Variants in BMP8A observed in about 807,000 individuals in gnomAD.
BMP8A encodes the protein BMP-8A.
Under a neutral mutation model 36.8 loss-of-function variants are expected in BMP8A, and 14 were observed. The observed-to-expected ratio is 0.38, with a 90% CI of 0.25 to 0.60. The LOEUF (loss-of-function observed/expected upper bound fraction) is 0.60. Ranked by LOEUF, BMP8A falls within the 20% of genes least tolerant of loss-of-function variation. The probability of loss-of-function intolerance (pLI) is 0.63; values close to 1 mark genes in which losing one functional copy is unlikely to be tolerated. For synonymous variants in BMP8A, 120 were observed against 237.7 expected, an observed-to-expected ratio of 0.50 and a Z score of 4.55; for missense variants, 267 against 551.1, an observed-to-expected ratio of 0.48 and a Z score of 5.16.
rs1311805433 is a variant in BMP8A, at chr1:39,525,964, C to A, written c.*166C>A. 23 of 1,230,168 alleles carry A rather than the reference C, an allele frequency of 1.9e-5. No homozygotes were observed. The highest frequency in any genetic ancestry group is 2.2e-5 in the Non-Finnish European group (20 of 898,806). The allele number at this position is 1,230,168 out of a possible 1,614,324, so 76.2% of individuals were successfully genotyped here. On this transcript the variant is annotated 3_prime_UTR_variant, in exon 7 of 7. Transcript: ENST00000331593. ...CTGGTCCTTTCTCGGTACCTCTGTG[C>A]CCCTCCCCTGGGGTTTGTGGCTGTC...
chr1:39,519,320 C>G (rs1377651759), intron 3 of BMP8A, among the ~76,000 whole-genome samples: 1 of 136,082 alleles, frequency 7.3e-6, no homozygotes, highest in African/African-American at 2.6e-5. Context: ...ACCACCACCA[C>G]CCCACTCAGG....
chr1:39,519,807 AAC>A (rs1195436845), intron 3 of BMP8A, among the ~76,000 whole-genome samples: 1 of 148,296 alleles, frequency 6.7e-6, no homozygotes, highest in Non-Finnish European at 1.5e-5. Context: ...TGTTTATGCA[AAC>A]ATATGCCTGT....
chr1:39,522,388 C>T lies in BMP8A; in HGVS notation c.869-15C>T, dbSNP rs749744565. On this transcript the variant is annotated splice_polypyrimidine_tract_variant and intron_variant, in intron 4 of 6. Transcript: ENST00000331593. ...AGGAACCCCAGAAAAGACCTTGCCC[C>T]TTCTGTCCCTGCAGATGACGTCCGC... 2 of 1,563,422 alleles carry T rather than the reference C, an allele frequency of 1.3e-6. No individual in the cohort carries two copies. The highest frequency in any genetic ancestry group is 2.3e-5 in the East Asian group (1 of 44,218).
At chr1:39,500,355 C>G (rs1313178741) in intron 1 of BMP8A, among the ~76,000 whole-genome samples, 1 of 152,142 alleles carries the variant, frequency 6.6e-6, no homozygotes. Context: ...ATCTGGAGAC[C>G]TTTTTAGTTG....
At chr1:39,525,533 C>T in intron 6 of BMP8A, 116 bp from the exon 7 acceptor site, 1 of 1,340,776 alleles carries the variant, frequency 7.5e-7, no homozygotes, top group South Asian at 1.4e-5. Flanking sequence ...TGTGCTGCTC[C>T]CATGTGGCTT....
At chr1:39,518,033 T>C (rs914105082) in intron 3 of BMP8A, among the ~76,000 whole-genome samples, 1 of 152,026 alleles carries the variant, frequency 6.6e-6, no homozygotes, top group Non-Finnish European at 1.5e-5. Context: ...TGGTCCGTTG[T>C]AACCCAAGAG....
chr1:39,497,093 C>T (rs776003989), intron 1 of BMP8A, among the ~76,000 whole-genome samples: 3 of 152,120 alleles, frequency 2.0e-5, no homozygotes, highest in Non-Finnish European at 4.4e-5. Flanking sequence ...CATTTTCCTC[C>T]ATGTTGTTGT....
At chr1:39,525,167 G>A (rs766183448) in intron 6 of BMP8A, 36 of 166,934 alleles carry the variant, frequency 2.2e-4, no homozygotes, top group East Asian at 1.7e-4. Context: ...AGAAGGAGCA[G>A]CACAGGAGAG....
At chr1:39,523,782 G>A (rs1259799487) in intron 6 of BMP8A, 14 of 1,108,506 alleles carry the variant, frequency 1.3e-5, no homozygotes, top group African/African-American at 1.7e-5. Context: ...TTCTGGCACC[G>A]AGGCTTCCTT....
At chr1:39,505,438 C>T (rs1003717435) in intron 1 of BMP8A, among the ~76,000 whole-genome samples, 3 of 152,302 alleles carry the variant, frequency 2.0e-5, no homozygotes, top group Middle Eastern at 3.4e-3. Flanking sequence ...CATGTTTCTG[C>T]AAGCACAGGG....
chr1:39,508,124 G>A lies in BMP8A; in HGVS notation c.335-3050G>A, dbSNP rs189156530. Reference sequence around the variant, plus strand: ...AAATTAGCTAGGCGTGGTTGCTGGCGCCTGTAGTCCCAGCTCCTGGGGAGG... The same window carrying A: ...AAATTAGCTAGGCGTGGTTGCTGGCACCTGTAGTCCCAGCTCCTGGGGAGG... On this transcript the variant is annotated intron_variant, in intron 1 of 6. Coordinates refer to ENST00000331593, the MANE Select transcript of BMP8A (RefSeq NM_181809.4). Among the ~76,000 whole-genome samples, 44 of 152,216 alleles carry A rather than the reference G, an allele frequency of 2.9e-4. No homozygotes were observed. The East Asian group carries it at 3.9e-3, about 13-fold the overall frequency.
In BMP8A at chr1:39,528,727, A is replaced by G. The variant is rs1217102606; in HGVS notation, c.*2929A>G. On this transcript the variant is annotated 3_prime_UTR_variant, in exon 7 of 7. Coordinates refer to ENST00000331593, the MANE Select transcript of BMP8A (RefSeq NM_181809.4). ...TTTTTTTTTTTTTTTAAAGACATAC[A>G]TGGTCTTGCTTTGTCGCCCAGGCTG... 6.8e-6 allele frequency among the ~76,000 whole-genome samples: 1 copy of G among 147,918 alleles called. No individual in the cohort carries two copies. The highest frequency in any genetic ancestry group is 1.5e-5 in the Non-Finnish European group (1 of 67,334).
chr1:39,493,240 G>A (rs1211070819), intron 1 of BMP8A, among the ~76,000 whole-genome samples: 5 of 152,098 alleles, frequency 3.3e-5, no homozygotes, highest in Non-Finnish European at 7.4e-5. Context: ...GTGGGTACCT[G>A]CCCCAGCCAC....
At chr1:39,505,510 C>A (rs1645293636) in intron 1 of BMP8A, among the ~76,000 whole-genome samples, 1 of 152,172 alleles carries the variant, frequency 6.6e-6, no homozygotes, top group Non-Finnish European at 1.5e-5. Flanking sequence ...TAGTACAGAT[C>A]AAAATGGAGT....
intron 1 of BMP8A, among the ~76,000 whole-genome samples, chr1:39,510,926 C>A (rs1687185): frequency 0.064 from 9,799 of 152,246 alleles, 918 homozygotes; most frequent in African/African-American, 0.21. Context: ...GAGCCTGGGG[C>A]CTGCTGAGCA....
chr1:39,518,282 C>A (rs867512614), intron 3 of BMP8A, among the ~76,000 whole-genome samples: 2 of 142,466 alleles, frequency 1.4e-5, no homozygotes, highest in Non-Finnish European at 3.0e-5. Context: ...CCTCACCCTG[C>A]AGGAAAGGCC....
At chr1:39,492,644 T>G (rs1449654131) in intron 1 of BMP8A, among the ~76,000 whole-genome samples, 3 of 152,190 alleles carry the variant, frequency 2.0e-5, no homozygotes, top group Non-Finnish European at 4.4e-5. Flanking sequence ...AGCCTGGTCC[T>G]GGGGAGACAG....
chr1:39,513,799 TAGGGAAGGAG>T (rs1218817376), intron 3 of BMP8A, among the ~76,000 whole-genome samples: 3 of 150,520 alleles, frequency 2.0e-5, no homozygotes, highest in African/African-American at 7.3e-5. Flanking sequence ...CCAGGTCATC[TAGGGAAGGAG>T]GGTAGTGATG....
At chr1:39,501,551 G>A (rs61779330) in intron 1 of BMP8A, among the ~76,000 whole-genome samples, 26,345 of 151,930 alleles carry the variant, frequency 0.17, 2,881 homozygotes, top group Middle Eastern at 0.24. Flanking sequence ...TTTGAGACAG[G>A]GTCTCACTCT....
Sources: allele counts gnomAD v4.1 joint callset (sites outside exome capture counted in the v4.1 genomes callset), GRCh38; gene constraint gnomAD v4.1.1; transcripts MANE v1.5; gene names NCBI Gene and HGNC (gene_info 2026-07-23, HGNC 2026-07-21).